The following SNTB1 variants were observed in gnomAD, a reference collection of about 807,000 sequenced individuals.
SNTB1 encodes the protein syntrophin beta 1.
SNTB1 carries 36 observed loss-of-function variants against 48.9 expected under a neutral mutation model. The observed-to-expected ratio is 0.74, with a 90% CI of 0.56 to 0.97. The LOEUF is 0.97. Among genes scored for constraint, SNTB1 ranks in the 50% least tolerant of loss-of-function variants. SNTB1 has a pLI of 0.00. For missense variants in SNTB1, 786 were observed against 703.4 expected, an observed-to-expected ratio of 1.12 and a Z score of -1.33; for synonymous variants, 299 against 294.6, an observed-to-expected ratio of 1.01 and a Z score of -0.15.
intron 1 of SNTB1, among the ~76,000 whole-genome samples, chr8:120,810,309 A>T (rs886651229): frequency 6.6e-6 from 1 of 152,220 alleles, no homozygotes; most frequent in Non-Finnish European, 1.5e-5. Context: ...CTGTAGGCAG[A>T]CAGGAGAATT....
intron 1 of SNTB1, among the ~76,000 whole-genome samples, chr8:120,754,075 T>C (rs1316300828): frequency 3.3e-5 from 5 of 152,186 alleles, no homozygotes; most frequent in Non-Finnish European, 5.9e-5. Flanking sequence ...AGTCTTCTAC[T>C]TCTGGCCTGC....
intron 1 of SNTB1, among the ~76,000 whole-genome samples, chr8:120,718,088 C>T (rs1227051256): frequency 6.6e-6 from 1 of 152,212 alleles, no homozygotes; most frequent in Non-Finnish European, 1.5e-5. Context: ...AGGGGATAGG[C>T]CCAATTGGAG....
At chr8:120,653,387 T>C (rs148543494) in intron 2 of SNTB1, among the ~76,000 whole-genome samples, 1,630 of 152,234 alleles carry the variant, frequency 0.011, 29 homozygotes, top group African/African-American at 0.037. Context: ...AGACAGGGAA[T>C]GCCAATGAGG....
At position 120,543,069 on chromosome 8, in the gene SNTB1, C is replaced by T. The variant is rs186903210; in HGVS notation, c.1334-1069G>A. ...AAAGCAAAAACCTCTTGAGCAGGTG[C>T]GGTGCCAGCTTTTATCTGGGATTCT... On this transcript the variant is annotated intron_variant, in intron 5 of 6. Coordinates refer to ENST00000517992, the MANE Select transcript of SNTB1 (RefSeq NM_021021.4). Among the ~76,000 whole-genome samples, 20 of 152,160 alleles carry T rather than the reference C, an allele frequency of 1.3e-4. No homozygotes were observed. The East Asian group carries it at 1.5e-3, about 12-fold the overall frequency.
chr8:120,610,122 A>G (rs1456288377), intron 3 of SNTB1, among the ~76,000 whole-genome samples: 1 of 152,126 alleles, frequency 6.6e-6, no homozygotes, highest in African/African-American at 2.4e-5. Flanking sequence ...CAGTTTCTTT[A>G]TTATTCACTA....
rs980140807 is a variant in SNTB1 at position 120,542,019 on chromosome 8, GAA to G, written c.1334-21_1334-20del. 1 of 1,603,404 alleles carries G rather than the reference GAA, an allele frequency of 6.2e-7. No homozygotes were observed. Among genetic ancestry groups the G allele is most frequent in the Non-Finnish European group, 8.5e-7 (1 of 1,174,486 alleles). On this transcript the variant is annotated intron_variant, in intron 5 of 6. Transcript: ENST00000517992. The stretch of plus-strand genomic sequence containing the variant: ...GTGCAAGCTGAGAGAGAAAGAGAGA[GAA>G]AAAGAGACAAGTATGAACCATGGCA...
At chr8:120,612,849 G>T (rs1816647698) in intron 3 of SNTB1, among the ~76,000 whole-genome samples, 1 of 152,178 alleles carries the variant, frequency 6.6e-6, no homozygotes, top group African/African-American at 2.4e-5. Context: ...GATCAAATTA[G>T]GGTATTTAGG....
chr8:120,560,332 A>C (rs985321022), intron 4 of SNTB1, among the ~76,000 whole-genome samples: 2 of 152,020 alleles, frequency 1.3e-5, no homozygotes, highest in South Asian at 4.2e-4. Flanking sequence ...AAAATACAAA[A>C]ATTAGTCAGG....
intron 5 of SNTB1, among the ~76,000 whole-genome samples, chr8:120,547,942 A>T (rs1179551096): frequency 6.6e-6 from 1 of 151,560 alleles, no homozygotes; most frequent in African/African-American, 2.4e-5. Flanking sequence ...TATAGTTTGG[A>T]TGTTTTATCC....
intron 2 of SNTB1, among the ~76,000 whole-genome samples, chr8:120,689,973 T>C (rs1818097870): frequency 6.6e-6 from 1 of 152,222 alleles, no homozygotes; most frequent in African/African-American, 2.4e-5. Context: ...ATCTACTTTA[T>C]TTATTTTGTT....
chr8:120,683,345 T>C (rs557859597), intron 2 of SNTB1, among the ~76,000 whole-genome samples: 94 of 152,220 alleles, frequency 6.2e-4, no homozygotes, highest in African/African-American at 2.2e-3. Context: ...ATGATCTACA[T>C]AAATTCAGGA....
intron 1 of SNTB1, among the ~76,000 whole-genome samples, chr8:120,704,156 A>G (rs1818346862): frequency 6.6e-6 from 1 of 152,238 alleles, no homozygotes; most frequent in Admixed American, 6.5e-5. Context: ...TCATGTTTCT[A>G]AAAACATCTT....
chr8:120,682,223 A>C (rs558172753), intron 2 of SNTB1, among the ~76,000 whole-genome samples: 3 of 152,330 alleles, frequency 2.0e-5, no homozygotes, highest in Non-Finnish European at 4.4e-5. Flanking sequence ...AGACATTATA[A>C]GATTAATAAA....
chr8:120,681,954 AAG>A (rs1232254947), intron 2 of SNTB1, among the ~76,000 whole-genome samples: 2 of 152,214 alleles, frequency 1.3e-5, no homozygotes, highest in African/African-American at 4.8e-5. Context: ...GAAAAGTAAA[AAG>A]AGAGAATATT....
intron 3 of SNTB1, among the ~76,000 whole-genome samples, chr8:120,591,759 T>C (rs1232077899): frequency 6.6e-6 from 1 of 152,156 alleles, no homozygotes; most frequent in African/African-American, 2.4e-5. Flanking sequence ...TCCTGTTCCA[T>C]AAAAACTCAG....
intron 3 of SNTB1, among the ~76,000 whole-genome samples, chr8:120,609,796 G>A (rs1381696746): frequency 2.0e-5 from 3 of 152,146 alleles, no homozygotes; most frequent in Admixed American, 6.6e-5. Flanking sequence ...ATTACATGGC[G>A]GTACACACAA....
chr8:120,775,045 G>A (rs1587152315), intron 1 of SNTB1, among the ~76,000 whole-genome samples: 1 of 152,158 alleles, frequency 6.6e-6, no homozygotes, highest in African/African-American at 2.4e-5. Context: ...GCGGCTCAAA[G>A]AATTTAGAGA....
At chr8:120,755,838 T>G (rs545481206) in intron 1 of SNTB1, among the ~76,000 whole-genome samples, 143 of 152,232 alleles carry the variant, frequency 9.4e-4, no homozygotes, top group African/African-American at 3.4e-3. Context: ...CAACAACCAA[T>G]AACTGGAAGA....
chr8:120,794,847 T>C (rs1820095444), intron 1 of SNTB1, among the ~76,000 whole-genome samples: 4 of 152,024 alleles, frequency 2.6e-5, no homozygotes, highest in Non-Finnish European at 5.9e-5. Flanking sequence ...AGAAGGACCA[T>C]GGCCATACCT....
Sources: gnomAD v4.1 joint callset for allele counts (sites outside exome capture counted in the v4.1 genomes callset) on GRCh38, gnomAD v4.1.1 for gene constraint, MANE v1.5 for transcripts, NCBI Gene and HGNC (gene_info 2026-07-23, HGNC 2026-07-21) for gene names.